CTBP2: variants seen among roughly 807,000 people sequenced by gnomAD.
CTBP2 encodes the protein C-terminal binding protein 2.
CTBP2 carries 30 observed loss-of-function variants against 80.3 expected under a neutral mutation model. The ratio of observed to expected loss-of-function variants is 0.37; its 90% CI spans 0.28 to 0.51. The LOEUF is 0.51. Among genes scored for constraint, CTBP2 ranks in the 20% least tolerant of loss-of-function variants. CTBP2 has a pLI of 0.93. For missense variants in CTBP2, 1,212 were observed against 1,375.3 expected (o/e 0.88, Z 1.88); for synonymous variants, 594 against 587.4 (o/e 1.01, Z -0.16).
chr10:125,036,549 A>T (rs1958885466), intron 3 of CTBP2, among the ~76,000 whole-genome samples: 1 of 152,104 alleles, frequency 6.6e-6, no homozygotes, highest in Non-Finnish European at 1.5e-5. Context: ...TCCCTGTGTC[A>T]GGTGTAGGCA....
At chr10:125,046,007 C>A (rs1413278808) in intron 2 of CTBP2, among the ~76,000 whole-genome samples, 1 of 152,000 alleles carries the variant, frequency 6.6e-6, no homozygotes, top group Non-Finnish European at 1.5e-5. Context: ...CAACACAGGG[C>A]TACAATCCAC....
intron 2 of CTBP2, among the ~76,000 whole-genome samples, chr10:125,075,576 G>C (rs1846155648): frequency 6.6e-6 from 1 of 152,104 alleles, no homozygotes; most frequent in Admixed American, 6.5e-5. Flanking sequence ...GTGGTATTCT[G>C]TTACAGCAGC....
At chr10:125,054,888 C>A (rs1963558860) in intron 2 of CTBP2, among the ~76,000 whole-genome samples, 1 of 152,168 alleles carries the variant, frequency 6.6e-6, no homozygotes, top group African/African-American at 2.4e-5. Flanking sequence ...ACGCTATTCT[C>A]CTCACAACAG....
chr10:125,057,833 A>C (rs991506590), intron 2 of CTBP2, among the ~76,000 whole-genome samples: 7 of 152,170 alleles, frequency 4.6e-5, no homozygotes, highest in Admixed American at 1.3e-4. Context: ...AAAGCATCCC[A>C]GTGCTTCGGG....
chr10:125,069,197 A>C (rs559383689), intron 2 of CTBP2, among the ~76,000 whole-genome samples: 10 of 152,222 alleles, frequency 6.6e-5, no homozygotes, highest in African/African-American at 1.9e-4. Flanking sequence ...AGCTCCTACA[A>C]ATCAGGACCT....
chr10:125,134,552 T>C (rs1432662723), intron 1 of CTBP2, among the ~76,000 whole-genome samples: 1 of 152,192 alleles, frequency 6.6e-6, no homozygotes, highest in Non-Finnish European at 1.5e-5. Context: ...GTGACTCCTC[T>C]GAGCAAAGAG....
chr10:125,027,389 G>A lies in CTBP2; in HGVS notation c.371C>T (p.Pro124Leu). Residue 124 changes from proline to leucine, a missense_variant, in exon 1 of 9, where the codon CCT (proline) becomes CTT (leucine). Around this residue, in one of 3 missense-constraint regions of CTBP2, gnomAD observed 848 missense variants for 782.3 expected, o/e 1.08. Coordinates refer to ENST00000309035, the MANE Select transcript of CTBP2 (RefSeq NM_022802.3). ...GACTCCTGGGTCCCGATAGAGGGGA[G>A]GCTCTTTGGGTACCCTAGCAGCTCC... The A allele has an allele frequency of 2.5e-6, 4 of 1,613,700 alleles. No individual in the cohort carries two copies. Among genetic ancestry groups the A allele is most frequent in the South Asian group, 1.1e-5 (1 of 91,084 alleles).
chr10:125,069,824 C>G (rs1014558909), intron 2 of CTBP2, among the ~76,000 whole-genome samples: 5 of 151,926 alleles, frequency 3.3e-5, no homozygotes, highest in African/African-American at 1.2e-4. Flanking sequence ...AACTCCACCA[C>G]CATCAGGAAG....
chr10:125,020,467 TGAG>T lies in CTBP2; in HGVS notation c.1678+5612_1678+5614del, dbSNP rs1956927047. ...GGAAGACAGAACGCCCCTGTAGACA[TGAG>T]GAGGTCAGTCAACGCGGGCCTTGTG... On this transcript the variant is annotated intron_variant, in intron 1 of 8. Coordinates refer to ENST00000309035, the MANE Select transcript of CTBP2 (RefSeq NM_022802.3). 2.0e-5 allele frequency among the ~76,000 whole-genome samples: 3 copies of T among 152,168 alleles called. No individual in the cohort carries two copies. In the South Asian group the frequency reaches 6.2e-4, roughly 31 times the overall value.
At chr10:125,155,343 CACAA>C (rs2133478743) in intron 1 of CTBP2, among the ~76,000 whole-genome samples, 1 of 152,270 alleles carries the variant, frequency 6.6e-6, no homozygotes, top group African/African-American at 2.4e-5. Flanking sequence ...CAACATTCCA[CACAA>C]ACAATGGCCT....
chr10:125,002,961 G>C lies in CTBP2; in HGVS notation c.1977C>G (p.Leu659=). 6.2e-7 allele frequency: 1 copy of C among 1,612,544 alleles called. No individual in the cohort carries two copies. ...CAGCCAGCGCTGCCTCGCACTCACC[G>C]AGCTCGCCGGCAGCCTTGATGTCCA... The change falls in exon 3 of 9, where the codon CTC becomes CTG. Residue 659 remains leucine (L), a splice_region_variant and synonymous_variant. Transcript: ENST00000309035.
intron 1 of CTBP2, among the ~76,000 whole-genome samples, chr10:125,156,032 TG>T (rs1159829190): frequency 6.6e-6 from 1 of 152,184 alleles, no homozygotes; most frequent in Non-Finnish European, 1.5e-5. Context: ...TTTCACCACA[TG>T]GGTCACTTCC....
Position 125,027,135 on chromosome 10 carries a change from G to T in CTBP2, c.625C>A (p.Gln209Lys), listed in dbSNP as rs758351586. 2 of 1,604,660 alleles carry T rather than the reference G, an allele frequency of 1.2e-6. No individual in the cohort carries two copies. Among genetic ancestry groups the T allele is most frequent in the Non-Finnish European group, 1.7e-6 (2 of 1,173,424 alleles). ...CTTTCGCTGATGTCGCTGAAGACCTGGCTGAGGGGGTAGGCAGGCACCTCC... is the reference window on the plus strand; with the variant it reads ...CTTTCGCTGATGTCGCTGAAGACCTTGCTGAGGGGGTAGGCAGGCACCTCC... Residue 209 changes from glutamine (Q) to lysine (K), a missense_variant, in exon 1 of 9, where the codon CAG becomes AAG. Gln to Lys is a moderately conservative substitution (Grantham distance 53, BLOSUM62 1). This residue lies in a region of CTBP2 where 848 missense variants were observed against 782.3 expected (regional missense o/e 1.08). Transcript: ENST00000309035.
At chr10:125,055,557 C>A (rs745750513) in intron 2 of CTBP2, among the ~76,000 whole-genome samples, 7 of 152,154 alleles carry the variant, frequency 4.6e-5, no homozygotes, top group Non-Finnish European at 8.8e-5. Flanking sequence ...CCCGCTCCCC[C>A]AGAAGCAGCA....
At chr10:125,099,687 G>A (rs1445410589) in intron 2 of CTBP2, among the ~76,000 whole-genome samples, 1 of 152,242 alleles carries the variant, frequency 6.6e-6, no homozygotes, top group Non-Finnish European at 1.5e-5. Flanking sequence ...GAACCCAAAT[G>A]GTGCCAAGCT....
chr10:125,033,954 C>T (rs1461305903), intron 3 of CTBP2, among the ~76,000 whole-genome samples: 1 of 152,106 alleles, frequency 6.6e-6, no homozygotes, highest in African/African-American at 2.4e-5. Context: ...AGCTGCAGAA[C>T]CAAACTAGAA....
chr10:125,044,740 T>C (rs1157806656), intron 2 of CTBP2, among the ~76,000 whole-genome samples: 3 of 152,134 alleles, frequency 2.0e-5, no homozygotes, highest in Non-Finnish European at 4.4e-5. Flanking sequence ...CACTCCAGCC[T>C]GGGCCACCCA....
At chr10:125,105,489 A>T (rs1240012359) in intron 2 of CTBP2, among the ~76,000 whole-genome samples, 1 of 152,130 alleles carries the variant, frequency 6.6e-6, no homozygotes, top group East Asian at 1.9e-4. Context: ...CTAAATCCTA[A>T]AATTACTGAA....
intron 1 of CTBP2, among the ~76,000 whole-genome samples, chr10:125,009,800 C>T (rs1955663453): frequency 6.6e-6 from 1 of 152,190 alleles, no homozygotes. Flanking sequence ...AGTGGGTCTA[C>T]AGGCCAGCCC....
Sources: gnomAD v4.1 joint callset for allele counts (sites outside exome capture counted in the v4.1 genomes callset) on GRCh38, gnomAD v4.1.1 for gene constraint, gnomAD v4.1.1 regional missense constraint, MANE v1.5 for transcripts, NCBI Gene and HGNC (gene_info 2026-07-23, HGNC 2026-07-21) for gene names.